Variants in ERBB4 observed in about 807,000 individuals in gnomAD.
The protein encoded by ERBB4 is erb-b2 receptor tyrosine kinase 4.
A neutral mutation model predicts 158.0 loss-of-function variants in ERBB4; 42 were observed. The observed-to-expected ratio is 0.27, with a 90% CI of 0.21 to 0.34. ERBB4 has a LOEUF of 0.34. Among genes scored for constraint, ERBB4 ranks in the 10% least tolerant of loss-of-function variants. ERBB4 has a pLI of 1.00. For synonymous variants in ERBB4, 583 were observed against 558.7 expected (o/e 1.04, Z -0.61); for missense variants, 1,333 against 1,624.1 (o/e 0.82, Z 3.08).
intron 19 of ERBB4, among the ~76,000 whole-genome samples, chr2:211,602,847 C>A (rs1851178): frequency 6.6e-6 from 1 of 152,048 alleles, no homozygotes; most frequent in Admixed American, 6.5e-5. Flanking sequence ...TTCTGAATGA[C>A]GAGAAAGAGA....
chr2:212,064,441 A>G (rs1247684855), intron 2 of ERBB4, among the ~76,000 whole-genome samples: 6 of 152,138 alleles, frequency 3.9e-5, no homozygotes, highest in Non-Finnish European at 8.8e-5. Flanking sequence ...TGCTTGAAGG[A>G]TGGAAAAGAG....
intron 7 of ERBB4, among the ~76,000 whole-genome samples, chr2:211,717,442 C>T (rs1362156176): frequency 1.3e-5 from 2 of 152,164 alleles, no homozygotes; most frequent in Non-Finnish European, 2.9e-5. Context: ...CATATATATA[C>T]ATAAAGAAGT....
In ERBB4 at chr2:211,959,768, G is replaced by A. The variant is rs1211847927; in HGVS notation, c.235-12152C>T. On this transcript the variant is annotated intron_variant, in intron 2 of 27. Transcript: ENST00000342788. ...TTTGGTGTCATTCATTCAGCAATCT[G>A]TACTTGTAGTATATTCAAAGCTATT... Among the ~76,000 whole-genome samples, 9 of 152,060 alleles carry A rather than the reference G, an allele frequency of 5.9e-5. 1 individual carries two copies. The highest frequency in any genetic ancestry group is 5.3e-4 in the Admixed American group (8 of 15,232).
intron 9 of ERBB4, among the ~76,000 whole-genome samples, chr2:211,709,481 TG>T (rs942353618): frequency 3.9e-5 from 6 of 151,914 alleles, no homozygotes; most frequent in Non-Finnish European, 7.4e-5. Flanking sequence ...AGGTCACTTT[TG>T]GTGGTTTGCA....
At position 211,375,938 on chromosome 2, in the gene ERBB4, A is replaced by T. The variant is rs1360861060; in HGVS notation, c.*7677T>A. The T allele has an allele frequency of 4.3e-6, 1 of 232,774 alleles. No individual in the cohort carries two copies. Among genetic ancestry groups the T allele is most frequent in the Admixed American group, 5.6e-5 (1 of 17,726 alleles). The allele number at this position is 232,774 out of a possible 1,614,324, so 14.4% of individuals were successfully genotyped here. A position where few individuals can be genotyped will look rare whatever the true frequency, so the allele number is the denominator to read the frequency against. Reference sequence around the variant, plus strand: ...CCTTGAGAACTAACGGAAAAGCCTAATTACATAAATGTAAAATACTGTTTC... The same window carrying T: ...CCTTGAGAACTAACGGAAAAGCCTATTTACATAAATGTAAAATACTGTTTC... On this transcript the variant is annotated 3_prime_UTR_variant, in exon 28 of 28. Coordinates refer to ENST00000342788, the MANE Select transcript of ERBB4 (RefSeq NM_005235.3).
chr2:212,489,271 G>A (rs1468282064), intron 1 of ERBB4, among the ~76,000 whole-genome samples: 1 of 151,844 alleles, frequency 6.6e-6, no homozygotes, highest in Non-Finnish European at 1.5e-5. Context: ...AACCCAACAT[G>A]ACTTGCTTTT....
At chr2:211,982,421 A>G (rs1424060887) in intron 2 of ERBB4, among the ~76,000 whole-genome samples, 1 of 152,236 alleles carries the variant, frequency 6.6e-6, no homozygotes, top group Non-Finnish European at 1.5e-5. Context: ...ATGTTCCACA[A>G]AAAGGGGATA....
At chr2:212,192,267 C>G (rs2082297085) in intron 1 of ERBB4, among the ~76,000 whole-genome samples, 1 of 117,316 alleles carries the variant, frequency 8.5e-6, no homozygotes, top group Non-Finnish European at 1.7e-5. Context: ...TATACTCTGT[C>G]TGCAAACTCA....
At chr2:212,169,666 A>G (rs1025713065) in intron 1 of ERBB4, among the ~76,000 whole-genome samples, 3 of 152,098 alleles carry the variant, frequency 2.0e-5, no homozygotes, top group African/African-American at 4.8e-5. Flanking sequence ...TCAAATTGTA[A>G]TCTCCATAAT....
chr2:212,384,520 A>G (rs13015805), intron 1 of ERBB4, among the ~76,000 whole-genome samples: 23,989 of 151,568 alleles, frequency 0.16, 2,175 homozygotes, highest in South Asian at 0.25. Context: ...CTGTGACATT[A>G]CATTAGCAGA....
intron 1 of ERBB4, among the ~76,000 whole-genome samples, chr2:212,159,001 T>C (rs548172368): frequency 1.1e-3 from 169 of 152,058 alleles, no homozygotes; most frequent in Non-Finnish European, 2.0e-3. Context: ...TAATAAAGAG[T>C]CTACATGATG....
At chr2:212,183,216 T>C (rs2081925441) in intron 1 of ERBB4, among the ~76,000 whole-genome samples, 1 of 151,908 alleles carries the variant, frequency 6.6e-6, no homozygotes, top group Non-Finnish European at 1.5e-5. Context: ...TGAAGTACCA[T>C]AGACACTTGA....
chr2:212,386,872 T>C (rs1426958816), intron 1 of ERBB4, among the ~76,000 whole-genome samples: 1 of 152,104 alleles, frequency 6.6e-6, no homozygotes, highest in Non-Finnish European at 1.5e-5. Flanking sequence ...ATCTCTCTGA[T>C]TATCTTCTTA....
At chr2:212,357,061 T>C (rs1157983161) in intron 1 of ERBB4, among the ~76,000 whole-genome samples, 1 of 151,880 alleles carries the variant, frequency 6.6e-6, no homozygotes, top group East Asian at 1.9e-4. Context: ...TACATAATAG[T>C]GTCTTATACA....
intron 1 of ERBB4, among the ~76,000 whole-genome samples, chr2:212,241,808 T>A (rs2084116093): frequency 6.6e-6 from 1 of 152,164 alleles, no homozygotes; most frequent in South Asian, 2.1e-4. Flanking sequence ...CAACTTAATC[T>A]TATTTTCATC....
chr2:212,477,092 G>C (rs541414323), intron 1 of ERBB4, among the ~76,000 whole-genome samples: 3 of 152,074 alleles, frequency 2.0e-5, no homozygotes, highest in African/African-American at 7.2e-5. Flanking sequence ...GAAACACTTA[G>C]CATAATGTTT....
chr2:212,486,245 A>C (rs2106181816), intron 1 of ERBB4, among the ~76,000 whole-genome samples: 1 of 152,248 alleles, frequency 6.6e-6, no homozygotes, highest in Non-Finnish European at 1.5e-5. Context: ...AACTTGGTAA[A>C]ATGAGGGGAG....
chr2:211,557,483 C>T (rs770016599), intron 20 of ERBB4, among the ~76,000 whole-genome samples: 1 of 152,052 alleles, frequency 6.6e-6, no homozygotes, highest in Non-Finnish European at 1.5e-5. Context: ...CAAAAGAAGT[C>T]GTACACGCAA....
chr2:212,514,203 G>GCACTGTGA (rs1447885566), intron 1 of ERBB4, among the ~76,000 whole-genome samples: 2 of 150,776 alleles, frequency 1.3e-5, no homozygotes, highest in African/African-American at 4.9e-5. Flanking sequence ...AAGCTTTGCT[G>GCACTGTGA]CACTGTGATA....
Sources: gnomAD v4.1 joint callset for allele counts (sites outside exome capture counted in the v4.1 genomes callset) on GRCh38, gnomAD v4.1.1 for gene constraint, MANE v1.5 for transcripts, NCBI Gene and HGNC (gene_info 2026-07-23, HGNC 2026-07-21) for gene names.